The following TIAM1 variants were observed in gnomAD, a reference collection of about 807,000 sequenced individuals.
TIAM1 encodes the protein TIAM Rac1 associated GEF 1.
Under a neutral mutation model 163.5 loss-of-function variants are expected in TIAM1, and 65 were observed. That is an observed-to-expected ratio of 0.40 (90% CI 0.33 to 0.49). The LOEUF is 0.49. Ranked by LOEUF, TIAM1 falls within the 20% of genes least tolerant of loss-of-function variation. The pLI, the probability that TIAM1 is intolerant of heterozygous loss-of-function variation, is 0.77. For synonymous variants in TIAM1, 833 were observed against 810.1 expected (o/e 1.03, Z -0.48); for missense variants, 1,789 against 2,044.7 (o/e 0.87, Z 2.41).
At chr21:31,357,404 C>CTA (rs1210870982) in intron 2 of TIAM1, among the ~76,000 whole-genome samples, 1 of 152,152 alleles carries the variant, frequency 6.6e-6, no homozygotes, top group African/African-American at 2.4e-5. Flanking sequence ...ACTTCTAAGA[C>CTA]TATATATATT....
chr21:31,148,720 A>C (rs567683109), intron 19 of TIAM1, among the ~76,000 whole-genome samples: 1 of 152,308 alleles, frequency 6.6e-6, no homozygotes, highest in East Asian at 1.9e-4. Context: ...TTAAAAATTG[A>C]TTCTCAGGGA....
chr21:31,147,014 C>T lies in TIAM1; in HGVS notation c.3367-11G>A, dbSNP rs774206497. ...AGAGAACAGCACTTTCTGGATTTGACGAGAAAAGGCACAGTTGGTTGTTTC... is the reference window on the plus strand; with the variant it reads ...AGAGAACAGCACTTTCTGGATTTGATGAGAAAAGGCACAGTTGGTTGTTTC... On this transcript the variant is annotated splice_polypyrimidine_tract_variant and intron_variant, in intron 19 of 27. Transcript: ENST00000541036. 3.7e-5 allele frequency: 60 copies of T among 1,609,286 alleles called. No individual in the cohort carries two copies. The highest frequency in any genetic ancestry group is 1.7e-4 in the Middle Eastern group (1 of 6,044).
In TIAM1 at chr21:31,475,025, T is replaced by TTATTATTATTATTA. The variant is rs1555995982; in HGVS notation, c.-421-10991_-421-10990insTAATAATAATAATA. The stretch of plus-strand genomic sequence containing the variant: ...CATATAAGTTGCTGTGAGCTAGTTT[T>TTATTATTATTATTA]TTATTATTATTATTATTATTATTAT... On this transcript the variant is annotated intron_variant, in intron 1 of 28. Coordinates refer to the TIAM1 transcript ENST00000286827. 2.3e-4 allele frequency among the ~76,000 whole-genome samples: 27 copies of TTATTATTATTATTA among 118,690 alleles called. No individual in the cohort carries two copies. In the East Asian group the frequency reaches 3.7e-3, roughly 16 times the overall value. 77.9% of individuals were successfully genotyped at this position (118,690 alleles called of 152,430 possible). A position where few individuals can be genotyped will look rare whatever the true frequency, so the allele number is the denominator to read the frequency against.
Position 31,152,688 on chromosome 21 carries a change from C to G in TIAM1, c.3314G>C (p.Gly1105Ala). The G allele has an allele frequency of 1.2e-6, 2 of 1,614,206 alleles. No individual in the cohort carries two copies. The highest frequency in any genetic ancestry group is 1.7e-6 in the Non-Finnish European group (2 of 1,180,034). ...TTCCAAATCAGGTACCAGTCTCACTCCATCTTCTAGAGTTTTAAGGAATTC... is the reference window on the plus strand; with the variant it reads ...TTCCAAATCAGGTACCAGTCTCACTGCATCTTCTAGAGTTTTAAGGAATTC... Reference protein sequence around the residue: ...QVEFLKTLEDGVRLVPDLEKL... With the variant: ...QVEFLKTLEDAVRLVPDLEKL... Residue 1105 changes from glycine to alanine, a missense_variant, in exon 19 of 28, where the codon GGA (glycine) becomes GCA (alanine). Physicochemically the swap from Gly to Ala is moderately conservative, Grantham distance 60. Coordinates refer to ENST00000541036, the MANE Select transcript of TIAM1 (RefSeq NM_001353694.2).
chr21:31,166,131 C>T (rs924664249), intron 15 of TIAM1, among the ~76,000 whole-genome samples: 1 of 152,150 alleles, frequency 6.6e-6, no homozygotes, highest in African/African-American at 2.4e-5. Flanking sequence ...CTGTGTGTTC[C>T]TTACTAGCTC....
At chr21:31,337,583 G>A (rs186280133) in intron 2 of TIAM1, among the ~76,000 whole-genome samples, 4 of 150,204 alleles carry the variant, frequency 2.7e-5, no homozygotes, top group Non-Finnish European at 5.9e-5. Context: ...CCAGGCTGGA[G>A]TGCGGTAGTG....
At position 31,225,885 on chromosome 21, in the gene TIAM1, G is replaced by A. The variant is rs764642315; in HGVS notation, c.1650C>T (p.Val550=). Reference sequence around the variant, plus strand: ...TGTCTTCCTTGTGGTGGTGCCTCGCGACCGCAGTGGCGCAGGCAGAGTGGA... The same window carrying A: ...TGTCTTCCTTGTGGTGGTGCCTCGCAACCGCAGTGGCGCAGGCAGAGTGGA... ...TAIHSACATA[V]ARHHHKEDTL... The change falls in exon 7 of 28, where the codon GTC becomes GTT. Residue 550 remains valine (V), a synonymous_variant. Coordinates refer to ENST00000541036, the MANE Select transcript of TIAM1 (RefSeq NM_001353694.2). The A allele has an allele frequency of 6.8e-6, 11 of 1,613,992 alleles. No homozygotes were observed. The highest frequency in any genetic ancestry group is 2.7e-5 in the African/African-American group (2 of 74,920).
chr21:31,422,979 C>T (rs1466374724), intron 2 of TIAM1, among the ~76,000 whole-genome samples: 1 of 136,756 alleles, frequency 7.3e-6, no homozygotes, highest in African/African-American at 2.8e-5. Flanking sequence ...GGCCCAGTCT[C>T]TCTCTCTCTT....
At chr21:31,456,579 G>A (rs1054111114) in intron 2 of TIAM1, among the ~76,000 whole-genome samples, 1 of 152,168 alleles carries the variant, frequency 6.6e-6, no homozygotes, top group African/African-American at 2.4e-5. Context: ...AAAGAGGTTT[G>A]TGATGTGCTA....
At chr21:31,225,407 T>C (rs1422096680) in intron 7 of TIAM1, among the ~76,000 whole-genome samples, 2 of 152,190 alleles carry the variant, frequency 1.3e-5, no homozygotes, top group African/African-American at 4.8e-5. Flanking sequence ...GTCAGTCTGA[T>C]AACATGGGAA....
chr21:31,371,745 C>T (rs893833899), intron 2 of TIAM1, among the ~76,000 whole-genome samples: 4 of 152,198 alleles, frequency 2.6e-5, no homozygotes, highest in African/African-American at 7.2e-5. Context: ...TACTTGTCAT[C>T]AGGCAAGAAG....
intron 23 of TIAM1, among the ~76,000 whole-genome samples, chr21:31,132,463 C>A (rs1238672670): frequency 1.3e-5 from 2 of 152,154 alleles, no homozygotes; most frequent in Non-Finnish European, 2.9e-5. Flanking sequence ...TGAGCACAAG[C>A]AACCTGAGAA....
At chr21:31,358,276 C>G (rs1056941415) in intron 2 of TIAM1, among the ~76,000 whole-genome samples, 4 of 152,182 alleles carry the variant, frequency 2.6e-5, no homozygotes, top group Non-Finnish European at 5.9e-5. Context: ...TTCTACACCA[C>G]TGTTTGACTT....
chr21:31,553,616 G>T (rs1014027984), intron 1 of TIAM1, among the ~76,000 whole-genome samples: 1 of 152,112 alleles, frequency 6.6e-6, no homozygotes, highest in Non-Finnish European at 1.5e-5. Context: ...GCCAAAAGAG[G>T]GTTGGGTTGA....
At chr21:31,466,996 A>G (rs2045558446) in intron 1 of TIAM1, among the ~76,000 whole-genome samples, 1 of 151,926 alleles carries the variant, frequency 6.6e-6, no homozygotes, top group South Asian at 2.1e-4. Flanking sequence ...AACTGAAACT[A>G]AAAGACTGGA....
chr21:31,355,739 A>G (rs993321517), intron 2 of TIAM1, among the ~76,000 whole-genome samples: 22 of 152,076 alleles, frequency 1.4e-4, no homozygotes, highest in African/African-American at 5.3e-4. Context: ...TTTAGTAGAG[A>G]CAGGGTTTTG....
intron 2 of TIAM1, among the ~76,000 whole-genome samples, chr21:31,305,546 T>C (rs1207051772): frequency 6.6e-6 from 1 of 152,056 alleles, no homozygotes; most frequent in Non-Finnish European, 1.5e-5. Flanking sequence ...CCTCCTTCTC[T>C]CTCACCCACA....
intron 2 of TIAM1, among the ~76,000 whole-genome samples, chr21:31,298,120 G>A (rs2074361040): frequency 1.3e-5 from 2 of 152,138 alleles, no homozygotes; most frequent in Admixed American, 6.5e-5. Flanking sequence ...CTGAGCGGAT[G>A]GAGTGGCTTG....
intron 2 of TIAM1, among the ~76,000 whole-genome samples, chr21:31,293,268 G>A (rs1028312254): frequency 6.6e-6 from 1 of 152,096 alleles, no homozygotes; most frequent in Non-Finnish European, 1.5e-5. Context: ...TCCTTCTCGG[G>A]GACCTCAGTC....
Sources: gnomAD v4.1 joint callset for allele counts (sites outside exome capture counted in the v4.1 genomes callset) on GRCh38, gnomAD v4.1.1 for gene constraint, MANE v1.5 for transcripts, NCBI Gene and HGNC (gene_info 2026-07-23, HGNC 2026-07-21) for gene names.